The following SMIM18 variants were observed in gnomAD, a reference collection of about 807,000 sequenced individuals.
SMIM18 encodes small integral membrane protein 18.
Under a neutral mutation model 5.9 loss-of-function variants are expected in SMIM18, and 4 were observed. The observed-to-expected ratio is 0.68, with a 90% CI of 0.33 to 1.56. The LOEUF (loss-of-function observed/expected upper bound fraction) is 1.56, where lower values mean the gene tolerates loss of function less well. Ranked by LOEUF, SMIM18 falls within the 40% of genes most tolerant of loss-of-function variation. The probability of loss-of-function intolerance (pLI) is 0.06; values close to 1 mark genes in which losing one functional copy is unlikely to be tolerated. For synonymous variants in SMIM18, 37 were observed against 37.4 expected (o/e 0.99, Z 0.04); for missense variants, 89 against 109.7 (o/e 0.81, Z 0.84).
intron 1 of SMIM18, 31 bp from the exon 2 acceptor site, chr8:30,644,461 T>C (rs1238644256): frequency 6.6e-6 from 1 of 152,216 alleles, no homozygotes; most frequent in Non-Finnish European, 1.5e-5. Context: ...TGGCATTATT[T>C]GGTTTTCTTT....
rs376882413 is a variant in SMIM18, at chr8:30,642,161, T to C, written c.-110-2331T>C. On this transcript the variant is annotated intron_variant, in intron 1 of 2. Coordinates refer to ENST00000517349, the MANE Select transcript of SMIM18 (RefSeq NM_001206847.2). ...AAAGCAAAGGAATACTCAGCAGCACTTTAGAAGTTTTATTAGGCTAACGTT... is the reference window on the plus strand; with the variant it reads ...AAAGCAAAGGAATACTCAGCAGCACCTTAGAAGTTTTATTAGGCTAACGTT... Among the ~76,000 whole-genome samples the C allele has an allele frequency of 3.3e-5, 5 of 152,262 alleles. No individual in the cohort carries two copies. In the East Asian group the frequency reaches 9.6e-4, roughly 29 times the overall value.
At chr8:30,644,863 G>C (rs1338618536) in intron 2 of SMIM18, among the ~76,000 whole-genome samples, 3 of 151,500 alleles carry the variant, frequency 2.0e-5, no homozygotes, top group Non-Finnish European at 2.9e-5. Flanking sequence ...CAATCTTCCC[G>C]GCTTAGCCTC....
intron 1 of SMIM18, among the ~76,000 whole-genome samples, chr8:30,644,022 AACT>A (rs1322320254): frequency 6.6e-6 from 1 of 152,232 alleles, no homozygotes; most frequent in East Asian, 1.9e-4. Flanking sequence ...AATGAAGTAG[AACT>A]ACATTTTTTC....
rs139548884 is a variant in SMIM18 at position 30,645,746 on chromosome 8, T to C, written c.*149T>C. 4,223 of 724,078 alleles carry C rather than the reference T, an allele frequency of 5.8e-3. 39 individuals carry two copies. The highest frequency in any genetic ancestry group is 5.8e-3 in the Non-Finnish European group (2,609 of 451,936). 44.9% of individuals were successfully genotyped at this position (724,078 alleles called of 1,614,324 possible). ...TAGAAGGGGAAAAAAAAGTTAAACA[T>C]GCACTGTTTGTGTGTATAGCCATTT... On this transcript the variant is annotated 3_prime_UTR_variant, in exon 3 of 3. Coordinates refer to ENST00000517349, the MANE Select transcript of SMIM18 (RefSeq NM_001206847.2).
In SMIM18 at chr8:30,645,355, T is replaced by TAC; in HGVS notation, c.47_48dup (p.Leu17ThrfsTer34). The TAC allele has an allele frequency of 6.5e-7, 1 of 1,535,716 alleles. No homozygotes were observed. The highest frequency in any genetic ancestry group is 8.7e-7 in the Non-Finnish European group (1 of 1,146,902). ...TGAAACCACTACCTCTGTTTATCAG[T>TAC]ACCTTGGTTTTCAAGTTCAAAAAAT... On this transcript the variant is annotated frameshift_variant, in exon 3 of 3. Transcript: ENST00000517349. LOFTEE classifies it high-confidence loss of function.
chr8:30,638,960 G>A (rs1051702628), intron 1 of SMIM18, among the ~76,000 whole-genome samples: 6 of 152,042 alleles, frequency 3.9e-5, no homozygotes, highest in African/African-American at 9.7e-5. Context: ...TTCTCTGAGC[G>A]ATTTCATTTC....
chr8:30,645,471 C>T lies in SMIM18; in HGVS notation c.162C>T (p.Phe54=), dbSNP rs934491983. 18 of 1,535,510 alleles carry T rather than the reference C, an allele frequency of 1.2e-5. No homozygotes were observed. The Admixed American group carries it at 1.8e-4, about 15-fold the overall frequency. The change falls in exon 3 of 3, where the codon TTC becomes TTT. Residue 54 remains phenylalanine, a synonymous_variant. Coordinates refer to ENST00000517349, the MANE Select transcript of SMIM18 (RefSeq NM_001206847.2). The stretch of plus-strand genomic sequence containing the variant: ...TGGTATCTTTAGTGGTGCTGGCTTT[C>T]CTTTATGAAGTGCTTGACTGCTGCT... ...FTVVSLVVLA[F]LYEVLDCCCC... is the part of the protein sequence containing the mutation.
At chr8:30,642,068 T>C (rs1334613702) in intron 1 of SMIM18, among the ~76,000 whole-genome samples, 2 of 152,214 alleles carry the variant, frequency 1.3e-5, no homozygotes, top group South Asian at 4.1e-4. Flanking sequence ...GAATCCAGAA[T>C]ACTCAATAAA....
intron 2 of SMIM18, among the ~76,000 whole-genome samples, 168 bp downstream of exon 2, chr8:30,644,740 C>T (rs549869224): frequency 8.4e-4 from 112 of 133,302 alleles, no homozygotes; most frequent in African/African-American, 2.9e-3. Flanking sequence ...CAGTTAATTT[C>T]GGTATATGAA....
At chr8:30,642,184 G>A (rs985540179) in intron 1 of SMIM18, among the ~76,000 whole-genome samples, 10 of 150,908 alleles carry the variant, frequency 6.6e-5, no homozygotes, top group Admixed American at 2.0e-4. Flanking sequence ...TTAGGCTAAC[G>A]TTTTGTATTA....
chr8:30,645,205 A>T, intron 2 of SMIM18, 76 bp from the exon 3 acceptor site: 1 of 1,230,884 alleles, frequency 8.1e-7, no homozygotes, highest in Non-Finnish European at 1.1e-6. Context: ...AAATTTACTA[A>T]GAAATCTTAG....
chr8:30,638,775 G>C (rs368866640), intron 1 of SMIM18, 136 bp downstream of exon 1: 1 of 152,284 alleles, frequency 6.6e-6, no homozygotes, highest in Admixed American at 6.5e-5. Flanking sequence ...TCGTTTCACC[G>C]CTTGGTAGGA....
In SMIM18 at chr8:30,645,401, G is replaced by A. The variant is rs1221315052; in HGVS notation, c.92G>A (p.Trp31Ter). 1 of 1,535,540 alleles carries A rather than the reference G, an allele frequency of 6.5e-7. No homozygotes were observed. The highest frequency in any genetic ancestry group is 1.4e-5 in the African/African-American group (1 of 73,054). ...VQKIYPFHDN[W>*]NTACFVILLL... ...AAAATTTACCCTTTCCATGACAACT[G>A]GAACACTGCCTGCTTTGTCATCCTG... The change falls in exon 3 of 3, where the codon TGG becomes TAG. Residue 31 changes from tryptophan (W) to a stop codon, truncating the protein, a stop_gained. Coordinates refer to ENST00000517349, the MANE Select transcript of SMIM18 (RefSeq NM_001206847.2). LOFTEE classifies it high-confidence loss of function.
At chr8:30,640,845 C>A (rs1801793697) in intron 1 of SMIM18, among the ~76,000 whole-genome samples, 1 of 152,164 alleles carries the variant, frequency 6.6e-6, no homozygotes, top group Admixed American at 6.5e-5. Context: ...ACTGGGATTA[C>A]ACACACCCGC....
At chr8:30,642,183 C>T (rs1343216221) in intron 1 of SMIM18, among the ~76,000 whole-genome samples, 2 of 150,980 alleles carry the variant, frequency 1.3e-5, no homozygotes, top group African/African-American at 4.9e-5. Flanking sequence ...ATTAGGCTAA[C>T]GTTTTGTATT....
At chr8:30,641,328 G>A (rs1300825014) in intron 1 of SMIM18, among the ~76,000 whole-genome samples, 1 of 152,072 alleles carries the variant, frequency 6.6e-6, no homozygotes, top group Non-Finnish European at 1.5e-5. Flanking sequence ...GTGGCCTATG[G>A]TGTTACCTAT....
At chr8:30,644,919 T>A (rs1429954785) in intron 2 of SMIM18, among the ~76,000 whole-genome samples, 1 of 151,682 alleles carries the variant, frequency 6.6e-6, no homozygotes. Context: ...CCTGGCTAAT[T>A]TTTGTATGTT....
At chr8:30,643,635 G>A (rs1183205489) in intron 1 of SMIM18, 1 of 147,370 alleles carries the variant, frequency 6.8e-6, no homozygotes, top group Admixed American at 6.8e-5. Context: ...ACTCCAGCCT[G>A]GGCAACAGAG....
intron 1 of SMIM18, among the ~76,000 whole-genome samples, chr8:30,642,868 T>C (rs1403357607): frequency 6.6e-6 from 1 of 152,254 alleles, no homozygotes; most frequent in African/African-American, 2.4e-5. Flanking sequence ...TCTGCCTTCC[T>C]GACTGCCTCT....
Sources: gnomAD v4.1 joint callset for allele counts (sites outside exome capture counted in the v4.1 genomes callset) on GRCh38, gnomAD v4.1.1 for gene constraint, MANE v1.5 for transcripts, NCBI Gene and HGNC (gene_info 2026-07-23, HGNC 2026-07-21) for gene names.